Variants in IGSF21 observed in about 807,000 individuals in gnomAD.
IGSF21 encodes immunoglobin superfamily member 21.
In IGSF21, 28 loss-of-function variants were observed where a neutral mutation model predicts 46.8. The observed-to-expected ratio is 0.60, with a 90% CI of 0.44 to 0.82. The LOEUF (loss-of-function observed/expected upper bound fraction) is 0.82. IGSF21 is among the 40% of genes least tolerant of loss of function. The pLI is 0.00. For synonymous variants in IGSF21, 284 were observed against 273.6 expected, an observed-to-expected ratio of 1.04 and a Z score of -0.38; for missense variants, 624 against 665.5, an observed-to-expected ratio of 0.94 and a Z score of 0.69.
intron 2 of IGSF21, among the ~76,000 whole-genome samples, chr1:18,229,491 T>C (rs1281515870): frequency 2.0e-5 from 3 of 152,210 alleles, no homozygotes; most frequent in African/African-American, 7.2e-5. Flanking sequence ...GGTTTGCTTG[T>C]TGTTGCTATT....
intron 1 of IGSF21, among the ~76,000 whole-genome samples, chr1:18,135,063 G>A (rs537724618): frequency 2.6e-5 from 4 of 152,246 alleles, no homozygotes; most frequent in Non-Finnish European, 4.4e-5. Flanking sequence ...TGTTACAGAT[G>A]AGGACCCCAA....
chr1:18,143,034 C>A (rs1469097424), intron 1 of IGSF21, among the ~76,000 whole-genome samples: 1 of 152,230 alleles, frequency 6.6e-6, no homozygotes, highest in Admixed American at 6.5e-5. Context: ...CCAGAGCCTT[C>A]CCTGGGCCTT....
chr1:18,228,310 A>G (rs1189090616), intron 2 of IGSF21, among the ~76,000 whole-genome samples: 3 of 152,256 alleles, frequency 2.0e-5, no homozygotes, highest in African/African-American at 7.2e-5. Flanking sequence ...CCCTGGGCAC[A>G]GTGTAATCAC....
chr1:18,295,988 G>A lies in IGSF21; in HGVS notation c.305+4001G>A, dbSNP rs1044505430. On this transcript the variant is annotated intron_variant, in intron 3 of 9. Transcript: ENST00000251296. ...GGGTGCATAATGAAATGTGCAAAAT[G>A]AGCGGGCAGTTCTGGGTATGCTCCT... 9.2e-5 allele frequency among the ~76,000 whole-genome samples: 14 copies of A among 152,260 alleles called. No homozygotes were observed. The East Asian group carries it at 2.5e-3, about 27-fold the overall frequency.
intron 3 of IGSF21, among the ~76,000 whole-genome samples, chr1:18,316,204 G>A (rs1327064027): frequency 1.3e-5 from 2 of 152,184 alleles, no homozygotes; most frequent in Admixed American, 6.5e-5. Context: ...AGCGGTGGCG[G>A]TTAGGTGCCC....
intron 1 of IGSF21, among the ~76,000 whole-genome samples, chr1:18,117,348 T>C (rs1268953055): frequency 1.3e-5 from 2 of 152,192 alleles, no homozygotes; most frequent in African/African-American, 4.8e-5. Context: ...ACCTTGGGCT[T>C]GACCCAAGAG....
At chr1:18,160,536 G>A (rs886498559) in intron 1 of IGSF21, among the ~76,000 whole-genome samples, 4 of 151,916 alleles carry the variant, frequency 2.6e-5, no homozygotes, top group Non-Finnish European at 5.9e-5. Flanking sequence ...CTAGCTGGGC[G>A]AACTTGTGTG....
intron 2 of IGSF21, among the ~76,000 whole-genome samples, chr1:18,242,952 G>A (rs952865404): frequency 6.6e-6 from 1 of 152,172 alleles, no homozygotes; most frequent in Non-Finnish European, 1.5e-5. Context: ...AGGGACAGTG[G>A]GCATGGCAAG....
intron 1 of IGSF21, among the ~76,000 whole-genome samples, chr1:18,180,999 C>T (rs762941394): frequency 6.6e-6 from 1 of 152,166 alleles, no homozygotes; most frequent in East Asian, 1.9e-4. Context: ...TCAGTCTCCC[C>T]CTCTGTAAAG....
chr1:18,278,534 T>C (rs995587137), intron 2 of IGSF21, among the ~76,000 whole-genome samples: 1 of 113,066 alleles, frequency 8.8e-6, no homozygotes, highest in African/African-American at 4.9e-5. Flanking sequence ...AGGTTTTTTT[T>C]GTTTGTTTGT....
Position 18,377,117 on chromosome 1 carries a change from C to T in IGSF21, c.1294+125C>T, listed in dbSNP as rs568937012. 5.8e-6 allele frequency: 6 copies of T among 1,035,164 alleles called. No individual in the cohort carries two copies. In the South Asian group the frequency reaches 9.9e-5, roughly 17 times the overall value. The allele number at this position is 1,035,164 out of a possible 1,614,324, so 64.1% of individuals were successfully genotyped here. On this transcript the variant is annotated intron_variant, in intron 8 of 9. Transcript: ENST00000251296. ...TGGGCCTAAATCTCCCAAATTTGCC[C>T]TGAGAGGGTGCCCCACTGGGAGGCA...
At chr1:18,184,151 G>C (rs1184555415) in intron 1 of IGSF21, among the ~76,000 whole-genome samples, 1 of 152,164 alleles carries the variant, frequency 6.6e-6, no homozygotes, top group Non-Finnish European at 1.5e-5. Flanking sequence ...CAAAAAAGCA[G>C]ATATCAAACA....
chr1:18,263,814 T>G (rs1282069184), intron 2 of IGSF21, among the ~76,000 whole-genome samples: 2 of 152,194 alleles, frequency 1.3e-5, no homozygotes, highest in African/African-American at 2.4e-5. Context: ...TGAGAAGTCC[T>G]GTCTAAAAAA....
chr1:18,291,337 G>A (rs972691671), intron 2 of IGSF21, among the ~76,000 whole-genome samples: 1 of 152,212 alleles, frequency 6.6e-6, no homozygotes, highest in Non-Finnish European at 1.5e-5. Context: ...TGCATCGCCC[G>A]TGCCGGGATG....
rs534066687 is a variant in IGSF21 at position 18,155,840 on chromosome 1, G to A, written c.70+47642G>A. The stretch of plus-strand genomic sequence containing the variant: ...AGGCCTGGGCGCTGACCTGGGGTGC[G>A]CCATGCTCCCATCCCTGCGGGATCA... On this transcript the variant is annotated intron_variant, in intron 1 of 9. Coordinates refer to ENST00000251296, the MANE Select transcript of IGSF21 (RefSeq NM_032880.5). 1.3e-3 allele frequency among the ~76,000 whole-genome samples: 195 copies of A among 152,358 alleles called. 5 individuals are homozygous for A. The South Asian group carries it at 0.021, about 17-fold the overall frequency.
At chr1:18,191,699 G>T (rs1184013142) in intron 1 of IGSF21, among the ~76,000 whole-genome samples, 1 of 152,104 alleles carries the variant, frequency 6.6e-6, no homozygotes, top group African/African-American at 2.4e-5. Flanking sequence ...GGATGCTTTT[G>T]TGCTGAATTC....
chr1:18,156,062 G>A (rs1015012802), intron 1 of IGSF21, among the ~76,000 whole-genome samples: 11 of 152,196 alleles, frequency 7.2e-5, no homozygotes, highest in African/African-American at 2.7e-4. Flanking sequence ...CCCGGTAAGT[G>A]GGCCAGGGCA....
At chr1:18,359,959 C>T (rs1354872865) in intron 4 of IGSF21, among the ~76,000 whole-genome samples, 2 of 152,198 alleles carry the variant, frequency 1.3e-5, no homozygotes, top group African/African-American at 2.4e-5. Flanking sequence ...CTGGCTCTTC[C>T]TCATACTGGC....
At chr1:18,173,220 G>C (rs371818990) in intron 1 of IGSF21, among the ~76,000 whole-genome samples, 29 of 152,252 alleles carry the variant, frequency 1.9e-4, no homozygotes, top group African/African-American at 7.0e-4. Context: ...CCCGGGAGGC[G>C]GAGCTTGCAG....
Sources: allele counts gnomAD v4.1 joint callset (sites outside exome capture counted in the v4.1 genomes callset), GRCh38; gene constraint gnomAD v4.1.1; transcripts MANE v1.5; gene names NCBI Gene and HGNC (gene_info 2026-07-23, HGNC 2026-07-21).